AGO2: variants seen among roughly 807,000 people sequenced by gnomAD.
AGO2 encodes protein argonaute-2.
A neutral mutation model predicts 102.3 loss-of-function variants in AGO2; 5 were observed. That is an observed-to-expected ratio of 0.05 (90% confidence interval 0.03 to 0.10). The LOEUF is 0.10. Among genes scored for constraint, AGO2 ranks in the 10% least tolerant of loss-of-function variants. The pLI is 1.00. For synonymous variants in AGO2, 449 were observed against 473.1 expected, an observed-to-expected ratio of 0.95 and a Z score of 0.66; for missense variants, 541 against 1,183.7, an observed-to-expected ratio of 0.46 and a Z score of 7.97.
intron 1 of AGO2, among the ~76,000 whole-genome samples, chr8:140,605,556 G>T (rs1015080905): frequency 1.7e-4 from 26 of 152,314 alleles, no homozygotes; most frequent in African/African-American, 5.3e-4. Context: ...CTGAGGCTGC[G>T]CAAGGCCACC....
intron 1 of AGO2, among the ~76,000 whole-genome samples, chr8:140,588,828 C>T (rs868022880): frequency 7.2e-5 from 11 of 152,228 alleles, no homozygotes; most frequent in South Asian, 2.1e-4. Flanking sequence ...CCTTAGAGAG[C>T]GAGTTCGGAG....
chr8:140,607,459 T>C (rs1427277484), intron 1 of AGO2, among the ~76,000 whole-genome samples: 1 of 2,080 alleles, frequency 4.8e-4, no homozygotes, highest in East Asian at 0.016. Context: ...AAAGAAAAAT[T>C]ATATATATAT....
chr8:140,538,656 C>T (rs963004855), intron 16 of AGO2, among the ~76,000 whole-genome samples: 5 of 152,196 alleles, frequency 3.3e-5, no homozygotes, highest in Non-Finnish European at 5.9e-5. Flanking sequence ...CGGGAGGGTC[C>T]GAGTTTGCAC....
At chr8:140,558,362 T>C (rs986699466) in intron 7 of AGO2, 123 bp downstream of exon 7, 19 of 1,069,460 alleles carry the variant, frequency 1.8e-5, no homozygotes, top group African/African-American at 3.2e-5. Flanking sequence ...AATTTTGGGA[T>C]TGAAAAACAG....
At position 140,539,578 on chromosome 8, in the gene AGO2, TCACGGGGAGGTGAAAA is replaced by T; in HGVS notation, c.2035-140_2035-125del. ...TGATTCTGAGAGACAATGAGTGTGT[TCACGGGGAGGTGAAAA>T]CACGGGGGCAGAAACCATCCTCTCT... On this transcript the variant is annotated intron_variant, in intron 15 of 18. Transcript: ENST00000220592. The surrounding 1 kb of genome is among the most constrained non-coding windows in gnomAD (Gnocchi z 4.7). The T allele has an allele frequency of 2.5e-6, 3 of 1,198,888 alleles. No individual in the cohort carries two copies. In the South Asian group the frequency reaches 4.6e-5, roughly 18 times the overall value. 74.3% of individuals were successfully genotyped at this position (1,198,888 alleles called of 1,614,324 possible).
chr8:140,563,721 T>C (rs1390729838), intron 3 of AGO2, among the ~76,000 whole-genome samples: 3 of 152,176 alleles, frequency 2.0e-5, no homozygotes, highest in Non-Finnish European at 4.4e-5. Flanking sequence ...CTGCTGCCTC[T>C]GCTCTGTGCA....
chr8:140,568,004 A>G (rs1020339020), intron 3 of AGO2, among the ~76,000 whole-genome samples: 5 of 151,394 alleles, frequency 3.3e-5, no homozygotes, highest in Non-Finnish European at 5.9e-5. Flanking sequence ...TCACACCTGT[A>G]ATCTCAGCAC....
chr8:140,553,018 G>A (rs1233585765), intron 10 of AGO2, among the ~76,000 whole-genome samples: 3 of 152,202 alleles, frequency 2.0e-5, no homozygotes, highest in African/African-American at 4.8e-5. Context: ...AATGGACCAG[G>A]GGTAGGTAGA....
At chr8:140,547,302 G>A (rs1349937984) in intron 13 of AGO2, among the ~76,000 whole-genome samples, 166 bp downstream of exon 13, 4 of 152,244 alleles carry the variant, frequency 2.6e-5, no homozygotes, top group Non-Finnish European at 5.9e-5. Flanking sequence ...AGCAGAGCGT[G>A]AGCAGCCAGA....
chr8:140,554,753 G>A (rs2073065052), intron 10 of AGO2, among the ~76,000 whole-genome samples: 1 of 152,068 alleles, frequency 6.6e-6, no homozygotes, highest in Non-Finnish European at 1.5e-5. Context: ...GTGCAGTGGT[G>A]TGATCTCAGC....
At position 140,557,194 on chromosome 8, in the gene AGO2, C is replaced by T. The variant is rs762516067; in HGVS notation, c.921G>A (p.Thr307=). The T allele has an allele frequency of 2.9e-5, 47 of 1,613,924 alleles. No homozygotes were observed. The Admixed American group carries it at 6.2e-4, about 21-fold the overall frequency. The change falls in exon 8 of 19, where the codon ACG becomes ACA. Residue 307 remains threonine, a synonymous_variant. Coordinates refer to ENST00000220592, the MANE Select transcript of AGO2 (RefSeq NM_012154.5). The surrounding 1 kb of genome is among the most constrained non-coding windows in gnomAD (Gnocchi z 5.9). ...GCCTGTCCTTGAAATACTGGGCCAC[C>T]GTGCACTCCACCGTCTGCCCGCTCT... ...QQESGQTVEC[T]VAQYFKDRHK...
chr8:140,551,515 G>C (rs1049133699), intron 10 of AGO2, 79 bp from the exon 11 acceptor site: 3 of 1,369,484 alleles, frequency 2.2e-6, no homozygotes, highest in Non-Finnish European at 2.9e-6. Flanking sequence ...CACTCTCACT[G>C]TTGGTCCCCC....
chr8:140,609,606 C>T (rs540335045), intron 1 of AGO2, among the ~76,000 whole-genome samples: 1 of 152,350 alleles, frequency 6.6e-6, no homozygotes, highest in South Asian at 2.1e-4. Flanking sequence ...TGCACACACC[C>T]TGCACTTCCT....
chr8:140,532,418 G>C lies in AGO2; in HGVS notation c.2469C>G (p.Asp823Glu). Residue 823 changes from aspartate (D) to glutamate (E), a missense_variant and splice_region_variant, in exon 18 of 19, where the codon GAC (aspartate) becomes GAG (glutamate). This residue lies in a region of AGO2 where 309 missense variants were observed against 735.1 expected (regional missense o/e 0.42). Transcript: ENST00000220592. The part of the protein sequence containing the change: ...ARYHLVDKEH[D>E]SAEGSHTSGQ... ...CTCCAGCCAGGCATGCCACTCACCT[G>C]TCATGTTCCTTATCCACCAGGTGGT... The C allele has an allele frequency of 6.2e-7, 1 of 1,612,672 alleles. No homozygotes were observed. Among genetic ancestry groups the C allele is most frequent in the Non-Finnish European group, 8.5e-7 (1 of 1,179,556 alleles).
rs2073299724 is a variant in AGO2, at chr8:140,567,067, C to A, written c.337-4433G>T. ...GGCACGGATCGGATGCCTGTCAATG[C>A]CACCTTTCAAAAACCTCTGTAGTCA... On this transcript the variant is annotated intron_variant, in intron 3 of 18. Coordinates refer to ENST00000220592, the MANE Select transcript of AGO2 (RefSeq NM_012154.5). This position sits in a 1 kb window ranked among gnomAD's most constrained non-coding sequence, Gnocchi z 5.0. 1.3e-5 allele frequency among the ~76,000 whole-genome samples: 2 copies of A among 152,246 alleles called. No individual in the cohort carries two copies. Among genetic ancestry groups the A allele is most frequent in the African/African-American group, 4.8e-5 (2 of 41,458 alleles).
intron 3 of AGO2, among the ~76,000 whole-genome samples, chr8:140,571,604 T>C (rs750895597): frequency 6.6e-6 from 1 of 152,206 alleles, no homozygotes; most frequent in Non-Finnish European, 1.5e-5. Context: ...ACCCTTTGCA[T>C]ACGGAGCTGG....
chr8:140,603,006 T>C (rs892323708), intron 1 of AGO2, among the ~76,000 whole-genome samples: 2 of 152,226 alleles, frequency 1.3e-5, no homozygotes, highest in African/African-American at 4.8e-5. Flanking sequence ...CCACGTGCAG[T>C]GTTCTGGCCG....
Position 140,541,319 on chromosome 8 carries a change from C to A in AGO2, c.1879G>T (p.Ala627Ser). Residue 627 changes from alanine (A) to serine (S), a missense_variant, in exon 15 of 19, where the codon GCC becomes TCC. By Grantham distance (99) the Ala-to-Ser change is moderately conservative. Coordinates refer to ENST00000220592, the MANE Select transcript of AGO2 (RefSeq NM_012154.5). ...CGGTGCTGCTGCACGCGCACGGTGG[C>A]GCAGTAGCGATTGGGGTGGGCGTCC... The part of the protein sequence containing the change: ...SMDAHPNRYC[A>S]TVRVQQHRQE... The A allele has an allele frequency of 6.2e-7, 1 of 1,612,096 alleles. No homozygotes were observed.
intron 1 of AGO2, among the ~76,000 whole-genome samples, chr8:140,602,802 A>G (rs958099694): frequency 6.6e-6 from 1 of 152,230 alleles, no homozygotes; most frequent in Non-Finnish European, 1.5e-5. Flanking sequence ...CCTAGTCAGA[A>G]TAATTAATTA....
Sources: gnomAD v4.1 joint callset for allele counts (sites outside exome capture counted in the v4.1 genomes callset) on GRCh38, gnomAD v4.1.1 for gene constraint, gnomAD v4.1.1 regional missense constraint, Gnocchi (gnomAD v3.1) non-coding constraint, MANE v1.5 for transcripts, NCBI Gene and HGNC (gene_info 2026-07-23, HGNC 2026-07-21) for gene names.